TRPM3: variants seen among roughly 807,000 people sequenced by gnomAD.
The protein encoded by TRPM3 is long transient receptor potential channel 3.
In TRPM3, 77 loss-of-function variants were observed where a neutral mutation model predicts 181.2. The observed-to-expected ratio is 0.42, with a 90% CI of 0.35 to 0.51. The LOEUF is 0.51. Ranked by LOEUF, TRPM3 falls within the 20% of genes least tolerant of loss-of-function variation. The pLI is 0.01. For missense variants in TRPM3, 1,759 were observed against 2,196.7 expected (o/e 0.80, Z 3.98); for synonymous variants, 745 against 796.4 (o/e 0.94, Z 1.09).
At chr9:71,041,392 A>G (rs952182912) in intron 1 of TRPM3, among the ~76,000 whole-genome samples, 6 of 152,202 alleles carry the variant, frequency 3.9e-5, no homozygotes, top group Admixed American at 3.3e-4. Context: ...CCTTCAAACC[A>G]TAATAACCCT....
At chr9:70,654,999 G>A (rs1423488820) in intron 9 of TRPM3, among the ~76,000 whole-genome samples, 1 of 150,870 alleles carries the variant, frequency 6.6e-6, no homozygotes, top group Non-Finnish European at 1.5e-5. Flanking sequence ...ACTTCTACCT[G>A]CCAGAGTTTA....
intron 1 of TRPM3, among the ~76,000 whole-genome samples, chr9:71,317,965 T>C (rs1000588815): frequency 2.0e-5 from 3 of 152,056 alleles, no homozygotes; most frequent in African/African-American, 7.2e-5. Flanking sequence ...TAAAATAGAA[T>C]GGGAGGCTGA....
intron 1 of TRPM3, among the ~76,000 whole-genome samples, chr9:71,061,901 G>T (rs1419761164): frequency 6.6e-6 from 1 of 151,992 alleles, no homozygotes; most frequent in Non-Finnish European, 1.5e-5. Context: ...GGACCCAAGG[G>T]GAGAGGGGTA....
intron 7 of TRPM3, among the ~76,000 whole-genome samples, chr9:70,764,542 T>A (rs1485775534): frequency 6.6e-6 from 1 of 152,144 alleles, no homozygotes; most frequent in Non-Finnish European, 1.5e-5. Flanking sequence ...TTTAGCTGAT[T>A]ATGGGTTTCA....
intron 1 of TRPM3, among the ~76,000 whole-genome samples, chr9:71,029,001 T>C (rs1011062363): frequency 1.3e-5 from 2 of 152,186 alleles, no homozygotes. Flanking sequence ...ACATGGCATG[T>C]ATTCTAAAAT....
At chr9:70,682,127 T>C (rs1038465103) in intron 8 of TRPM3, among the ~76,000 whole-genome samples, 1 of 152,066 alleles carries the variant, frequency 6.6e-6, no homozygotes, top group East Asian at 1.9e-4. Flanking sequence ...TATTTTGTTT[T>C]AGCAGCCTGA....
intron 1 of TRPM3, among the ~76,000 whole-genome samples, chr9:71,358,010 T>C (rs2091977869): frequency 6.6e-6 from 1 of 152,138 alleles, no homozygotes; most frequent in Admixed American, 6.6e-5. Context: ...TAGGAAAAAG[T>C]GTAGAAATGA....
chr9:70,578,671 T>G (rs2054726809), intron 22 of TRPM3, among the ~76,000 whole-genome samples: 1 of 152,262 alleles, frequency 6.6e-6, no homozygotes, highest in Admixed American at 6.5e-5. Context: ...ACTCTCTGCC[T>G]GGCTTTAGTT....
intron 1 of TRPM3, among the ~76,000 whole-genome samples, chr9:71,359,769 T>C (rs1350241294): frequency 6.6e-6 from 1 of 152,202 alleles, no homozygotes; most frequent in Non-Finnish European, 1.5e-5. Context: ...TGTCCCATCT[T>C]ATCTGTATGA....
At chr9:71,058,697 C>T (rs1434540321) in intron 1 of TRPM3, among the ~76,000 whole-genome samples, 1 of 151,974 alleles carries the variant, frequency 6.6e-6, no homozygotes, top group Non-Finnish European at 1.5e-5. Flanking sequence ...TAAATTTGGC[C>T]TGAGGCTGCC....
chr9:70,571,483 C>A (rs1250131958), intron 22 of TRPM3, among the ~76,000 whole-genome samples: 1 of 152,126 alleles, frequency 6.6e-6, no homozygotes, highest in Non-Finnish European at 1.5e-5. Flanking sequence ...GTTCTAAGTC[C>A]AACCCCGCGT....
chr9:71,128,325 A>T (rs1267338387), intron 1 of TRPM3, among the ~76,000 whole-genome samples: 1 of 152,204 alleles, frequency 6.6e-6, no homozygotes, highest in Non-Finnish European at 1.5e-5. Context: ...CTACATATAC[A>T]CCTACCAAAA....
chr9:71,130,373 T>C (rs1222345347), intron 1 of TRPM3, among the ~76,000 whole-genome samples: 1 of 152,218 alleles, frequency 6.6e-6, no homozygotes, highest in African/African-American at 2.4e-5. Flanking sequence ...TTATGACGTT[T>C]GTTTCAATGA....
intron 8 of TRPM3, among the ~76,000 whole-genome samples, chr9:70,699,111 C>T (rs189774309): frequency 6.6e-6 from 1 of 152,232 alleles, no homozygotes; most frequent in Non-Finnish European, 1.5e-5. Context: ...TATGTAAATC[C>T]CCATGTATAT....
intron 8 of TRPM3, among the ~76,000 whole-genome samples, chr9:70,682,098 T>C (rs1268616067): frequency 6.6e-6 from 1 of 152,144 alleles, no homozygotes. Flanking sequence ...CTGTTGTTTG[T>C]AAGCTACCCA....
At chr9:71,419,946 T>C (rs1208645387) in intron 1 of TRPM3, among the ~76,000 whole-genome samples, 1 of 151,944 alleles carries the variant, frequency 6.6e-6, no homozygotes, top group African/African-American at 2.4e-5. Flanking sequence ...CTCCTAAGAT[T>C]TGTTCAATAA....
chr9:71,306,820 C>G (rs62543440), intron 1 of TRPM3, among the ~76,000 whole-genome samples: 12,888 of 152,204 alleles, frequency 0.085, 626 homozygotes, highest in African/African-American at 0.13. Flanking sequence ...TTGCAGTGAG[C>G]CGAGATCGCG....
intron 1 of TRPM3, among the ~76,000 whole-genome samples, chr9:71,331,568 G>C (rs2090113390): frequency 6.6e-6 from 1 of 150,976 alleles, no homozygotes; most frequent in Non-Finnish European, 1.5e-5. Context: ...TATTTACTAA[G>C]CATGCTTTTT....
At chr9:71,380,634 C>T (rs2092777557) in intron 1 of TRPM3, among the ~76,000 whole-genome samples, 2 of 151,886 alleles carry the variant, frequency 1.3e-5, no homozygotes, top group African/African-American at 4.8e-5. Context: ...AATAGTATGG[C>T]TAATATCTGA....
Sources: gnomAD v4.1 joint callset for allele counts (sites outside exome capture counted in the v4.1 genomes callset) on GRCh38, gnomAD v4.1.1 for gene constraint, MANE v1.5 for transcripts, NCBI Gene and HGNC (gene_info 2026-07-23, HGNC 2026-07-21) for gene names.